MED18: variants seen among roughly 807,000 people sequenced by gnomAD.
MED18 encodes mediator complex subunit 18.
MED18 carries 10 observed loss-of-function variants against 13.9 expected under a neutral mutation model. The observed-to-expected ratio is 0.72, with a 90% confidence interval of 0.44 to 1.22. The LOEUF (loss-of-function observed/expected upper bound fraction) is 1.22. Among genes scored for constraint, MED18 ranks in the 50% most tolerant of loss-of-function variants. MED18 has a pLI of 0.00. For synonymous variants in MED18, 88 were observed against 93.2 expected (o/e 0.94, Z 0.32); for missense variants, 216 against 279.0 (o/e 0.77, Z 1.61).
chr1:28,330,393 G>C (rs1649677529), intron 1 of MED18: 2 of 304,308 alleles, frequency 6.6e-6, no homozygotes, highest in Non-Finnish European at 1.2e-5. Flanking sequence ...GGAGGTTTCA[G>C]AACTTGAGAC....
chr1:28,329,252 A>C (rs1470370211), intron 1 of MED18, 72 bp downstream of exon 1: 1 of 154,894 alleles, frequency 6.5e-6, no homozygotes, highest in African/African-American at 2.4e-5. Context: ...CCATCATCTT[A>C]AAATAACTTC....
At chr1:28,331,515 AG>A (rs1203869218) in intron 2 of MED18, among the ~76,000 whole-genome samples, 2 of 151,726 alleles carry the variant, frequency 1.3e-5, no homozygotes, top group African/African-American at 4.8e-5. Flanking sequence ...TTTTTAGTAG[AG>A]AGTTGTGGTT....
intron 1 of MED18, among the ~76,000 whole-genome samples, chr1:28,329,420 GGA>G: frequency 6.6e-6 from 1 of 151,672 alleles, no homozygotes; most frequent in African/African-American, 2.4e-5. Context: ...TGAGGAGCTG[GGA>G]TTACAGGCGC....
intron 1 of MED18, among the ~76,000 whole-genome samples, chr1:28,330,107 A>G (rs1649660207): frequency 6.6e-6 from 1 of 152,004 alleles, no homozygotes; most frequent in Non-Finnish European, 1.5e-5. Context: ...CCCCGTCTCT[A>G]CTAAAAATAC....
chr1:28,331,378 G>A (rs974116705), intron 2 of MED18, among the ~76,000 whole-genome samples: 2 of 151,454 alleles, frequency 1.3e-5, no homozygotes, highest in Admixed American at 6.6e-5. Flanking sequence ...AGGCTGGAAC[G>A]CAGTGGCACA....
chr1:28,334,270 T>A (rs181609188), intron 2 of MED18, 147 bp from the exon 3 acceptor site: 13 of 895,206 alleles, frequency 1.5e-5, no homozygotes, highest in Non-Finnish European at 2.1e-5. Context: ...GGTAGTGTAA[T>A]TTCTGTAAAA....
intron 2 of MED18, among the ~76,000 whole-genome samples, chr1:28,332,881 G>A (rs981442429): frequency 7.2e-5 from 11 of 152,224 alleles, no homozygotes; most frequent in African/African-American, 2.2e-4. Context: ...GGCAAGAAAT[G>A]AGGGTGACTT....
At chr1:28,331,246 T>C (rs1352346083) in intron 2 of MED18, among the ~76,000 whole-genome samples, 1 of 152,122 alleles carries the variant, frequency 6.6e-6, no homozygotes, top group African/African-American at 2.4e-5. Context: ...AGTTCTGTAT[T>C]GTTAAGTATA....
chr1:28,329,307 A>T (rs1649622492), intron 1 of MED18, 127 bp downstream of exon 1: 1 of 55,126 alleles, frequency 1.8e-5, no homozygotes, highest in Non-Finnish European at 3.5e-5. Context: ...TTTTTTTGAG[A>T]CGGAGTTTCG....
intron 2 of MED18, among the ~76,000 whole-genome samples, chr1:28,331,749 A>AC (rs1242907155): frequency 2.1e-5 from 3 of 146,086 alleles, no homozygotes; most frequent in Non-Finnish European, 4.6e-5. Context: ...TGTTTCTCTG[A>AC]TTTTTTTTTT....
intron 1 of MED18, 39 bp from the exon 2 acceptor site, chr1:28,330,558 C>T: frequency 1.3e-6 from 1 of 794,170 alleles, no homozygotes; most frequent in Non-Finnish European, 2.0e-6. Flanking sequence ...TGGTCTCTCT[C>T]CACCACTTTG....
chr1:28,329,793 G>A (rs1649647689), intron 1 of MED18, among the ~76,000 whole-genome samples: 1 of 152,150 alleles, frequency 6.6e-6, no homozygotes. Context: ...GAGATAGAAC[G>A]CCTAGATGTT....
intron 2 of MED18, among the ~76,000 whole-genome samples, chr1:28,332,392 AGAGT>A (rs1317546408): frequency 6.6e-6 from 1 of 151,880 alleles, no homozygotes; most frequent in East Asian, 1.9e-4. Context: ...GCCTGGAGAC[AGAGT>A]GAGACCCTAC....
intron 2 of MED18, among the ~76,000 whole-genome samples, chr1:28,332,314 G>A (rs1649767130): frequency 6.6e-6 from 1 of 151,980 alleles, no homozygotes; most frequent in Non-Finnish European, 1.5e-5. Context: ...GGGAGGCTGA[G>A]GCGGGAGGAT....
At chr1:28,330,974 C>T (rs1051049784) in intron 2 of MED18, among the ~76,000 whole-genome samples, 11 of 152,064 alleles carry the variant, frequency 7.2e-5, no homozygotes, top group African/African-American at 1.9e-4. Context: ...GGGCGGATCA[C>T]GAGGTCAGGA....
intron 2 of MED18, among the ~76,000 whole-genome samples, chr1:28,332,843 A>T (rs1208915985): frequency 6.6e-6 from 1 of 152,214 alleles, no homozygotes; most frequent in East Asian, 1.9e-4. Context: ...AAGAAGGCAA[A>T]GGTAGAAAGA....
At chr1:28,331,148 C>T (rs1042279476) in intron 2 of MED18, among the ~76,000 whole-genome samples, 89 of 150,032 alleles carry the variant, frequency 5.9e-4, no homozygotes, top group African/African-American at 2.2e-3. Flanking sequence ...GAGCCGAGAT[C>T]GCGCCACTGC....
chr1:28,332,418 A>C (rs1649770399), intron 2 of MED18, among the ~76,000 whole-genome samples: 2 of 152,118 alleles, frequency 1.3e-5, no homozygotes, highest in South Asian at 4.1e-4. Flanking sequence ...TAAAAAAAAA[A>C]AACAAAACTA....
chr1:28,332,690 T>C (rs762010120), intron 2 of MED18, among the ~76,000 whole-genome samples: 2 of 152,130 alleles, frequency 1.3e-5, no homozygotes, highest in Non-Finnish European at 2.9e-5. Flanking sequence ...GACCATAATA[T>C]GTAGGGCCTT....
Sources: allele counts gnomAD v4.1 joint callset (sites outside exome capture counted in the v4.1 genomes callset), GRCh38; gene constraint gnomAD v4.1.1; transcripts MANE v1.5; gene names NCBI Gene and HGNC (gene_info 2026-07-23, HGNC 2026-07-21).